The following UGT1A6 variants were observed in gnomAD, a reference collection of about 807,000 sequenced individuals.
UGT1A6 encodes UDP-glucuronosyltransferase 1A6.
Under a neutral mutation model 44.4 loss-of-function variants are expected in UGT1A6, and 32 were observed. The observed-to-expected ratio is 0.72, with a 90% CI of 0.54 to 0.97. The LOEUF (loss-of-function observed/expected upper bound fraction) is 0.97. Ranked by LOEUF, UGT1A6 falls within the 50% of genes least tolerant of loss-of-function variation. The pLI is 0.00. For synonymous variants in UGT1A6, 238 were observed against 248.5 expected (o/e 0.96, Z 0.40); for missense variants, 685 against 661.9 (o/e 1.03, Z -0.38).
chr2:233,740,463 A>G (rs1427389799), intron 1 of UGT1A6, among the ~76,000 whole-genome samples: 2 of 151,964 alleles, frequency 1.3e-5, no homozygotes, highest in Non-Finnish European at 2.9e-5. Context: ...AAGATGATGG[A>G]CAGAAAGGAT....
intron 1 of UGT1A6, among the ~76,000 whole-genome samples, chr2:233,720,216 C>G (rs1381624179): frequency 6.6e-6 from 1 of 152,096 alleles, no homozygotes; most frequent in Non-Finnish European, 1.5e-5. Context: ...GGGATGGATG[C>G]ATGTGATCAG....
intron 1 of UGT1A6, among the ~76,000 whole-genome samples, chr2:233,715,111 C>T (rs538311485): frequency 1.3e-5 from 2 of 152,222 alleles, no homozygotes; most frequent in East Asian, 3.9e-4. Flanking sequence ...ATCTCAAATG[C>T]CTGATCTCAA....
At chr2:233,739,447 A>G (rs1387114794) in intron 1 of UGT1A6, among the ~76,000 whole-genome samples, 2 of 152,208 alleles carry the variant, frequency 1.3e-5, no homozygotes, top group East Asian at 3.8e-4. Flanking sequence ...CTGCAAAGCC[A>G]CAGGGTTGGA....
At chr2:233,771,290 T>C (rs1700276789) in intron 4 of UGT1A6, 1 of 152,250 alleles carries the variant, frequency 6.6e-6, no homozygotes, top group African/African-American at 2.4e-5. Context: ...CCTTTTCTTT[T>C]CTACTTCCTC....
chr2:233,725,063 T>G (rs2077358237), intron 1 of UGT1A6, among the ~76,000 whole-genome samples: 1 of 146,678 alleles, frequency 6.8e-6, no homozygotes, highest in Non-Finnish European at 1.5e-5. Flanking sequence ...GGCGCGCGCC[T>G]GCAATCGCAG....
intron 1 of UGT1A6, among the ~76,000 whole-genome samples, chr2:233,764,782 C>A (rs1260988013): frequency 6.6e-6 from 1 of 152,064 alleles, no homozygotes; most frequent in Non-Finnish European, 1.5e-5. Flanking sequence ...TCAGAAAAAC[C>A]ATCCTCAGGG....
In UGT1A6 at chr2:233,768,243, A is replaced by G. The variant is rs748989741; in HGVS notation, c.1105A>G (p.Ile369Val). 8 of 1,614,146 alleles carry G rather than the reference A, an allele frequency of 5.0e-6. No individual in the cohort carries two copies. In the South Asian group the frequency reaches 7.7e-5, roughly 16 times the overall value. Residue 369 changes from isoleucine (I) to valine (V), a missense_variant, in exon 4 of 5, where the codon ATC (isoleucine) becomes GTC (valine). Ile to Val is a conservative substitution (Grantham distance 29). Transcript: ENST00000305139. ...LLGHPMTRAF[I>V]THAGSHGVYE... is the part of the protein sequence containing the mutation. ...AGGTCACCCGATGACCCGTGCCTTT[A>G]TCACCCATGCTGGTTCCCATGGTGT...
At chr2:233,739,473 G>A (rs1691116225) in intron 1 of UGT1A6, among the ~76,000 whole-genome samples, 1 of 152,214 alleles carries the variant, frequency 6.6e-6, no homozygotes, top group African/African-American at 2.4e-5. Flanking sequence ...CTGAGACCGT[G>A]GGAGCCCATT....
rs534080873 is a variant in UGT1A6 at position 233,731,172 on chromosome 2, T to C, written c.862-35862T>C. Among the ~76,000 whole-genome samples, 21 of 152,344 alleles carry C rather than the reference T, an allele frequency of 1.4e-4. No individual in the cohort carries two copies. The South Asian group carries it at 3.1e-3, about 23-fold the overall frequency. The stretch of plus-strand genomic sequence containing the variant: ...CTTTTTGATCAAACGACATGATTTT[T>C]TTATGCAATGTAATTATTCAATTAT... On this transcript the variant is annotated intron_variant, in intron 1 of 4. Coordinates refer to ENST00000305139, the MANE Select transcript of UGT1A6 (RefSeq NM_001072.4).
chr2:233,767,797 T>G lies in UGT1A6; in HGVS notation c.994-52T>G, dbSNP rs1012424785. The stretch of plus-strand genomic sequence containing the variant: ...TCTAGTTAGTATAGCAGATTTGTTT[T>G]CTAATCATATTATGTTCTTTCTTTA... On this transcript the variant is annotated intron_variant, in intron 2 of 4. Coordinates refer to ENST00000305139, the MANE Select transcript of UGT1A6 (RefSeq NM_001072.4). 5 of 1,614,032 alleles carry G rather than the reference T, an allele frequency of 3.1e-6. No individual in the cohort carries two copies. In the African/African-American group the frequency reaches 4.0e-5, roughly 13 times the overall value.
rs538829256 is a variant in UGT1A6 at position 233,747,779 on chromosome 2, T to C, written c.862-19255T>C. 9.3e-4 allele frequency: 1,506 copies of C among 1,613,500 alleles called. 1 individual carries two copies. The highest frequency in any genetic ancestry group is 1.2e-3 in the Non-Finnish European group (1,364 of 1,179,858). On this transcript the variant is annotated intron_variant, in intron 1 of 4. Coordinates refer to ENST00000305139, the MANE Select transcript of UGT1A6 (RefSeq NM_001072.4). ...ACTTTAAGGGCACACAGTGTCCAAA[T>C]CCTTCCTCCTATATTCCTAAGTTAC...
intron 1 of UGT1A6, among the ~76,000 whole-genome samples, chr2:233,707,383 T>C (rs1304644263): frequency 6.6e-6 from 1 of 151,716 alleles, no homozygotes; most frequent in Non-Finnish European, 1.5e-5. Context: ...TCAGCATCCA[T>C]GAGCTATTCT....
chr2:233,710,755 G>T (rs938686167), intron 1 of UGT1A6, among the ~76,000 whole-genome samples: 7 of 152,162 alleles, frequency 4.6e-5, no homozygotes, highest in African/African-American at 1.7e-4. Context: ...AAAGTTGCAA[G>T]TTTTGATTAA....
intron 1 of UGT1A6, among the ~76,000 whole-genome samples, chr2:233,746,234 G>T (rs923887005): frequency 6.6e-6 from 1 of 151,756 alleles, no homozygotes; most frequent in African/African-American, 2.4e-5. Context: ...TATGCAAACT[G>T]CTAAAAGATA....
At chr2:233,706,480 A>C (rs1460971839) in intron 1 of UGT1A6, among the ~76,000 whole-genome samples, 2 of 152,254 alleles carry the variant, frequency 1.3e-5, no homozygotes, top group Non-Finnish European at 2.9e-5. Flanking sequence ...GGCTGGGTAC[A>C]TGAGGGTGTC....
chr2:233,766,327 G>A (rs373926451), intron 1 of UGT1A6, among the ~76,000 whole-genome samples: 29 of 152,248 alleles, frequency 1.9e-4, no homozygotes, highest in East Asian at 9.7e-4. Context: ...CAAACTCCGC[G>A]TTGTTCTGCT....
chr2:233,698,592 A>T (rs1559349856), intron 1 of UGT1A6, among the ~76,000 whole-genome samples: 1 of 152,200 alleles, frequency 6.6e-6, no homozygotes, highest in Non-Finnish European at 1.5e-5. Flanking sequence ...TAATCCAAGA[A>T]ATTCGGATTA....
At chr2:233,754,984 G>A (rs527779009) in intron 1 of UGT1A6, 1 of 1,295,398 alleles carries the variant, frequency 7.7e-7, no homozygotes, top group Non-Finnish European at 1.0e-6. Context: ...ACCTCGGCGG[G>A]GTCACGGAAG....
chr2:233,729,547 C>A (rs529213131), intron 1 of UGT1A6: 1 of 1,614,168 alleles, frequency 6.2e-7, no homozygotes, highest in South Asian at 1.1e-5. Flanking sequence ...GATCAGGCAC[C>A]TGAATGCTAC....
Sources: gnomAD v4.1 joint callset for allele counts (sites outside exome capture counted in the v4.1 genomes callset) on GRCh38, gnomAD v4.1.1 for gene constraint, MANE v1.5 for transcripts, NCBI Gene and HGNC (gene_info 2026-07-23, HGNC 2026-07-21) for gene names.